Variants in DNAH7 observed in about 807,000 individuals in gnomAD.
The protein encoded by DNAH7 is axonemal beta dynein heavy chain 7.
DNAH7 carries 397 observed loss-of-function variants against 444.6 expected under a neutral mutation model. The ratio of observed to expected loss-of-function variants is 0.89; its 90% CI spans 0.82 to 0.97. The LOEUF (loss-of-function observed/expected upper bound fraction) is 0.97, where lower values mean the gene tolerates loss of function less well. DNAH7 is among the 50% of genes least tolerant of loss of function. DNAH7 has a pLI of 0.00. For synonymous variants in DNAH7, 1,636 were observed against 1,624.4 expected (o/e 1.01, Z -0.17); for missense variants, 4,902 against 4,800.8 (o/e 1.02, Z -0.62).
At position 195,886,169 on chromosome 2, in the gene DNAH7, T is replaced by C. The variant is rs1701698947; in HGVS notation, c.5510A>G (p.Asn1837Ser). ...FADEVKLKER[N>S]DRETYSLLEG... ...AAGCAAAGAGTAAGTTTCTCGATCA[T>C]TTCTCTCCTTTAGTTTGACTTCATC... Residue 1837 changes from asparagine to serine, a missense_variant, in exon 34 of 65, where the codon AAT becomes AGT. Coordinates refer to ENST00000312428, the MANE Select transcript of DNAH7 (RefSeq NM_018897.3). 2.5e-6 allele frequency: 4 copies of C among 1,613,682 alleles called. No individual in the cohort carries two copies. Among genetic ancestry groups the C allele is most frequent in the Non-Finnish European group, 3.4e-6 (4 of 1,179,814 alleles).
intron 3 of DNAH7, among the ~76,000 whole-genome samples, chr2:196,049,816 A>G (rs12612307): frequency 0.044 from 6,705 of 152,274 alleles, 342 homozygotes; most frequent in African/African-American, 0.12. Context: ...TTCGATAAGA[A>G]AATTTAAATT....
chr2:195,823,848 T>C (rs1386558107), intron 49 of DNAH7, among the ~76,000 whole-genome samples: 1 of 152,220 alleles, frequency 6.6e-6, no homozygotes, highest in African/African-American at 2.4e-5. Flanking sequence ...AAAACAGTTC[T>C]TTTAAGTAAT....
At position 195,737,884 on chromosome 2, in the gene DNAH7, CAACAAGAAATAGG is replaced by C. The variant is rs780854653; in HGVS notation, c.*24_*36del. The C allele has an allele frequency of 1.3e-6, 2 of 1,565,350 alleles. No homozygotes were observed. The highest frequency in any genetic ancestry group is 1.8e-6 in the Non-Finnish European group (2 of 1,141,524). On this transcript the variant is annotated 3_prime_UTR_variant, in exon 65 of 65. Coordinates refer to ENST00000312428, the MANE Select transcript of DNAH7 (RefSeq NM_018897.3). ...AATATGCTTTCTCTACTCAGCCAGC[CAACAAGAAATAGG>C]AACAAGGAAATGATGTCTTCTGGTT...
At chr2:195,761,921 C>T (rs1228740910) in intron 61 of DNAH7, among the ~76,000 whole-genome samples, 2 of 152,014 alleles carry the variant, frequency 1.3e-5, no homozygotes, top group Admixed American at 1.3e-4. Flanking sequence ...ATACTAAGTT[C>T]ACAGAAAAAC....
chr2:195,895,999 C>T lies in DNAH7; in HGVS notation c.4648-775G>A, dbSNP rs140107734. Among the ~76,000 whole-genome samples the T allele has an allele frequency of 8.6e-3, 1,312 of 152,248 alleles. 10 individuals are homozygous for T. Among genetic ancestry groups the T allele is most frequent in the Admixed American group, 0.02 (313 of 15,294 alleles). ...TCACTGTTCCAGTTTTAGGCTACTA[C>T]AAATAAAGTGACTACAAACATTTGT... On this transcript the variant is annotated intron_variant, in intron 29 of 64. Coordinates refer to ENST00000312428, the MANE Select transcript of DNAH7 (RefSeq NM_018897.3).
At position 195,960,275 on chromosome 2, in the gene DNAH7, T is replaced by C. The variant is rs745663273; in HGVS notation, c.2876A>G (p.Tyr959Cys). The change falls in exon 18 of 65, where the codon TAT becomes TGT. Residue 959 changes from tyrosine (Y) to cysteine (C), a missense_variant. By Grantham distance (194) the Tyr-to-Cys change is radical. Transcript: ENST00000312428. Reference sequence around the variant, plus strand: ...ATCACTTTACCTCATTTGTTTTTCATAAGGCTTAATGAAAGGAGATCCTCG... The same window carrying C: ...ATCACTTTACCTCATTTGTTTTTCACAAGGCTTAATGAAAGGAGATCCTCG... Reference protein sequence around the residue: ...TMRGSPFIKPYEKQMREWEGK... With the variant: ...TMRGSPFIKPCEKQMREWEGK... 2 of 1,606,602 alleles carry C rather than the reference T, an allele frequency of 1.2e-6. No homozygotes were observed. Among genetic ancestry groups the C allele is most frequent in the East Asian group, 2.2e-5 (1 of 44,822 alleles).
At chr2:195,996,326 T>C (rs879559536) in intron 12 of DNAH7, among the ~76,000 whole-genome samples, 2 of 152,204 alleles carry the variant, frequency 1.3e-5, no homozygotes, top group Non-Finnish European at 2.9e-5. Context: ...CAGACAACAA[T>C]TTTAAATAAG....
chr2:195,997,843 A>G (rs1236980303), intron 12 of DNAH7, among the ~76,000 whole-genome samples: 1 of 152,116 alleles, frequency 6.6e-6, no homozygotes, highest in African/African-American at 2.4e-5. Flanking sequence ...TCATCTAGGC[A>G]TATTTTACCA....
intron 31 of DNAH7, 87 bp from the exon 32 acceptor site, chr2:195,889,068 A>G: frequency 8.0e-7 from 1 of 1,247,666 alleles, no homozygotes; most frequent in Non-Finnish European, 1.1e-6. Flanking sequence ...CAAAATTTTA[A>G]AATATAAGTA....
At chr2:195,834,381 G>T in intron 47 of DNAH7, 21 bp from the exon 48 acceptor site, 1 of 1,576,084 alleles carries the variant, frequency 6.3e-7, no homozygotes, top group Non-Finnish European at 8.7e-7. Flanking sequence ...GGAGAAAGAC[G>T]ATGCTGGTCA....
intron 61 of DNAH7, among the ~76,000 whole-genome samples, 191 bp from the exon 62 acceptor site, chr2:195,756,476 T>C (rs1415759233): frequency 2.0e-5 from 3 of 152,138 alleles, no homozygotes; most frequent in African/African-American, 7.2e-5. Flanking sequence ...GTCTTTGAAT[T>C]ATTCCTTAGA....
intron 20 of DNAH7, 81 bp from the exon 21 acceptor site, chr2:195,934,870 T>TA (rs1193329715): frequency 1.3e-5 from 19 of 1,456,684 alleles, no homozygotes; most frequent in Non-Finnish European, 1.7e-5. Context: ...TTAAAGTTCA[T>TA]AAATGCTAGG....
Position 196,040,215 on chromosome 2 carries a change from A to C in DNAH7, c.398+7137T>G, listed in dbSNP as rs13422736. On this transcript the variant is annotated intron_variant, in intron 5 of 64. Transcript: ENST00000312428. ...AAGAGAAAGGAATTTTTCCTAACTC[A>C]TTCTACAAGGTAAGCATTACCTTGA... Among the ~76,000 whole-genome samples, 158 of 152,310 alleles carry C rather than the reference A, an allele frequency of 1.0e-3. 2 individuals carry two copies. The highest frequency in any genetic ancestry group is 3.7e-3 in the African/African-American group (154 of 41,580).
chr2:195,799,327 A>G lies in DNAH7; in HGVS notation c.10322T>C (p.Met3441Thr). 2 of 1,596,614 alleles carry G rather than the reference A, an allele frequency of 1.3e-6. No homozygotes were observed. The highest frequency in any genetic ancestry group is 1.3e-5 in the African/African-American group (1 of 74,340). The stretch of plus-strand genomic sequence containing the variant: ...ATCAGCAAATTTTAGAAGGGCAGCC[A>G]TGGGATCTGCTCCAGGAGAGAGCAC... The part of the protein sequence containing the change: ...IFVLSPGADP[M>T]AALLKFADDQ... Residue 3441 changes from methionine to threonine, a missense_variant, in exon 55 of 65, where the codon ATG (methionine) becomes ACG (threonine). Met to Thr is a moderately conservative substitution (Grantham distance 81). Coordinates refer to ENST00000312428, the MANE Select transcript of DNAH7 (RefSeq NM_018897.3).
chr2:195,930,554 G>A (rs545010549), intron 21 of DNAH7, among the ~76,000 whole-genome samples: 1 of 152,276 alleles, frequency 6.6e-6, no homozygotes, highest in South Asian at 2.1e-4. Flanking sequence ...CAGAGAAAAG[G>A]GAATGCTTAT....
chr2:195,819,988 G>C (rs1403382547), intron 49 of DNAH7, among the ~76,000 whole-genome samples: 1 of 152,058 alleles, frequency 6.6e-6, no homozygotes, highest in African/African-American at 2.4e-5. Flanking sequence ...AATTGCTCTT[G>C]GCAAACGAAA....
intron 62 of DNAH7, 104 bp downstream of exon 62, chr2:195,756,029 T>A: frequency 8.5e-7 from 1 of 1,181,612 alleles, no homozygotes. Context: ...GTGCCTGGGA[T>A]GCACAGAAAA....
Position 196,059,572 on chromosome 2 carries a change from T to C in DNAH7, c.16-1456A>G, listed in dbSNP as rs553022724. The stretch of plus-strand genomic sequence containing the variant: ...TTCCTGATTCCAGTGCTTTTTCTCA[T>C]AGCTCCCATGGTGTGGCTGCCAGCA... On this transcript the variant is annotated intron_variant, in intron 1 of 64. Coordinates refer to ENST00000312428, the MANE Select transcript of DNAH7 (RefSeq NM_018897.3). 2.6e-5 allele frequency among the ~76,000 whole-genome samples: 4 copies of C among 152,320 alleles called. No homozygotes were observed. In the South Asian group the frequency reaches 6.2e-4, roughly 24 times the overall value.
At chr2:195,896,041 A>C (rs1702288501) in intron 29 of DNAH7, among the ~76,000 whole-genome samples, 1 of 152,254 alleles carries the variant, frequency 6.6e-6, no homozygotes, top group African/African-American at 2.4e-5. Flanking sequence ...ATTTGTATGA[A>C]CAAATGCTTT....
Sources: allele counts gnomAD v4.1 joint callset (sites outside exome capture counted in the v4.1 genomes callset), GRCh38; gene constraint gnomAD v4.1.1; transcripts MANE v1.5; gene names NCBI Gene and HGNC (gene_info 2026-07-23, HGNC 2026-07-21).